Variants in PTPRR observed in about 807,000 individuals in gnomAD.
PTPRR encodes protein tyrosine phosphatase receptor type R, also known as receptor-type tyrosine-protein phosphatase R.
PTPRR carries 38 observed loss-of-function variants against 77.2 expected under a neutral mutation model. The ratio of observed to expected loss-of-function variants is 0.49; its 90% CI spans 0.38 to 0.65. The LOEUF is 0.65. Among genes scored for constraint, PTPRR ranks in the 30% least tolerant of loss-of-function variants. The pLI is 0.00. For synonymous variants in PTPRR, 299 were observed against 283.1 expected, an observed-to-expected ratio of 1.06 and a Z score of -0.57; for missense variants, 744 against 799.2, an observed-to-expected ratio of 0.93 and a Z score of 0.83.
At chr12:70,853,667 A>G (rs1482611910) in intron 2 of PTPRR, among the ~76,000 whole-genome samples, 2 of 152,162 alleles carry the variant, frequency 1.3e-5, no homozygotes, top group Non-Finnish European at 2.9e-5. Flanking sequence ...TATTGTGCCT[A>G]TCCCAGGACA....
At chr12:70,763,165 G>A (rs1283799757) in intron 3 of PTPRR, among the ~76,000 whole-genome samples, 1 of 151,410 alleles carries the variant, frequency 6.6e-6, no homozygotes, top group South Asian at 2.1e-4. Flanking sequence ...TTTCGCTCTT[G>A]TTGTCCAGGC....
At chr12:70,790,641 A>T (rs949775397) in intron 2 of PTPRR, among the ~76,000 whole-genome samples, 1 of 152,086 alleles carries the variant, frequency 6.6e-6, no homozygotes, top group African/African-American at 2.4e-5. Context: ...GATCTTGTCC[A>T]CACTGAACTC....
intron 8 of PTPRR, among the ~76,000 whole-genome samples, chr12:70,689,050 A>G (rs559035966): frequency 2.6e-5 from 4 of 151,914 alleles, no homozygotes; most frequent in African/African-American, 9.7e-5. Context: ...GGGAAAGGGG[A>G]GATGGTGGTC....
At chr12:70,799,257 T>C (rs892041516) in intron 2 of PTPRR, among the ~76,000 whole-genome samples, 2 of 152,234 alleles carry the variant, frequency 1.3e-5, no homozygotes, top group Non-Finnish European at 2.9e-5. Context: ...CATATACACA[T>C]ACCACATGTA....
intron 2 of PTPRR, among the ~76,000 whole-genome samples, chr12:70,879,431 G>A (rs927207651): frequency 4.0e-5 from 6 of 151,208 alleles, no homozygotes; most frequent in African/African-American, 1.2e-4. Context: ...ACTCAGAAAT[G>A]TTCATTGATT....
chr12:70,828,588 C>T (rs1001838703), intron 2 of PTPRR, among the ~76,000 whole-genome samples: 5 of 152,178 alleles, frequency 3.3e-5, no homozygotes, highest in African/African-American at 7.2e-5. Context: ...CATAGTCATT[C>T]CCAGGCTTAC....
At chr12:70,919,781 TG>T (rs1400003600) in intron 1 of PTPRR, among the ~76,000 whole-genome samples, 1 of 151,680 alleles carries the variant, frequency 6.6e-6, no homozygotes, top group Admixed American at 6.6e-5. Flanking sequence ...TTCCTCTTAT[TG>T]GCTTAGAAAA....
At chr12:70,891,712 C>T (rs953664206) in intron 2 of PTPRR, among the ~76,000 whole-genome samples, 7 of 151,544 alleles carry the variant, frequency 4.6e-5, no homozygotes, top group Non-Finnish European at 8.8e-5. Context: ...AAAACATTGA[C>T]GAATGGAACT....
chr12:70,765,224 A>G (rs987815722), intron 2 of PTPRR, among the ~76,000 whole-genome samples: 1 of 152,230 alleles, frequency 6.6e-6, no homozygotes, highest in Non-Finnish European at 1.5e-5. Context: ...TCACTCGGGA[A>G]GTGCAAGGGC....
At chr12:70,892,018 T>C (rs1229154976) in intron 2 of PTPRR, among the ~76,000 whole-genome samples, 5 of 152,100 alleles carry the variant, frequency 3.3e-5, no homozygotes, top group African/African-American at 1.2e-4. Context: ...TCAGTATGTA[T>C]TTAAACTATG....
At chr12:70,794,419 G>C (rs1283364581) in intron 2 of PTPRR, among the ~76,000 whole-genome samples, 1 of 152,146 alleles carries the variant, frequency 6.6e-6, no homozygotes, top group Non-Finnish European at 1.5e-5. Context: ...ATGAGGGCTA[G>C]GTCTCAAAAG....
chr12:70,749,142 T>G (rs1465209629), intron 5 of PTPRR, among the ~76,000 whole-genome samples: 1 of 151,976 alleles, frequency 6.6e-6, no homozygotes, highest in Non-Finnish European at 1.5e-5. Context: ...CAAGACAGAG[T>G]GATAAGACTA....
intron 6 of PTPRR, among the ~76,000 whole-genome samples, chr12:70,718,472 G>A (rs555169106): frequency 1.3e-5 from 2 of 152,044 alleles, no homozygotes; most frequent in Non-Finnish European, 2.9e-5. Flanking sequence ...TCACCATGAT[G>A]GCTGGGCTGG....
At chr12:70,709,856 A>G (rs1446425435) in intron 6 of PTPRR, among the ~76,000 whole-genome samples, 1 of 152,164 alleles carries the variant, frequency 6.6e-6, no homozygotes. Flanking sequence ...AAACAAATGG[A>G]AAAACATTCC....
intron 2 of PTPRR, among the ~76,000 whole-genome samples, chr12:70,826,383 T>C (rs1466166954): frequency 6.6e-6 from 1 of 152,184 alleles, no homozygotes; most frequent in Non-Finnish European, 1.5e-5. Flanking sequence ...GTGACAGAGA[T>C]GGGGCTCATG....
chr12:70,920,252 C>T, intron 1 of PTPRR, 81 bp downstream of exon 1: 1 of 1,462,262 alleles, frequency 6.8e-7, no homozygotes. Context: ...CTTCGCAAGG[C>T]AAGCTTTTCC....
chr12:70,857,062 T>C (rs1892664635), intron 2 of PTPRR, among the ~76,000 whole-genome samples: 1 of 152,154 alleles, frequency 6.6e-6, no homozygotes, highest in South Asian at 2.1e-4. Flanking sequence ...CAAATGATTA[T>C]TAATGGTGTT....
intron 6 of PTPRR, among the ~76,000 whole-genome samples, chr12:70,717,093 T>C (rs930471676): frequency 2.0e-5 from 3 of 152,220 alleles, no homozygotes; most frequent in African/African-American, 4.8e-5. Context: ...TTCTCTAACA[T>C]ACTATTCTTC....
chr12:70,768,365 AG>A (rs1203921495), intron 2 of PTPRR, among the ~76,000 whole-genome samples: 4 of 152,256 alleles, frequency 2.6e-5, no homozygotes, highest in Non-Finnish European at 5.9e-5. Context: ...CTACCATCAG[AG>A]AATACTACAA....
Sources: allele counts gnomAD v4.1 joint callset (sites outside exome capture counted in the v4.1 genomes callset), GRCh38; gene constraint gnomAD v4.1.1; transcripts MANE v1.5; gene names NCBI Gene and HGNC (gene_info 2026-07-23, HGNC 2026-07-21).